Variants in COL25A1 observed in about 807,000 individuals in gnomAD.
COL25A1 encodes the protein collagen type XXV alpha 1 chain.
Under a neutral mutation model 128.4 loss-of-function variants are expected in COL25A1, and 103 were observed. The observed-to-expected ratio is 0.80, with a 90% CI of 0.68 to 0.94. COL25A1 has a LOEUF of 0.94. Among genes scored for constraint, COL25A1 ranks in the 40% least tolerant of loss-of-function variants. COL25A1 has a pLI of 0.00. For synonymous variants in COL25A1, 279 were observed against 277.2 expected (o/e 1.01, Z -0.06); for missense variants, 745 against 840.0 (o/e 0.89, Z 1.40).
chr4:109,081,082 G>A (rs751224784), intron 3 of COL25A1, among the ~76,000 whole-genome samples: 3 of 152,134 alleles, frequency 2.0e-5, no homozygotes, highest in Non-Finnish European at 4.4e-5. Context: ...TTTCATGCAT[G>A]GTCAATATTT....
chr4:108,988,657 T>C (rs558224650), intron 6 of COL25A1, among the ~76,000 whole-genome samples: 1 of 152,322 alleles, frequency 6.6e-6, no homozygotes, highest in Non-Finnish European at 1.5e-5. Flanking sequence ...TTATTCTGTT[T>C]TTACTCCCCC....
chr4:108,918,202 T>G lies in COL25A1; in HGVS notation c.750A>C (p.Ala250=). The change falls in exon 13 of 38, where the codon GCA becomes GCC. Residue 250 remains alanine (A), a synonymous_variant. Transcript: ENST00000399132. ...GCCCATTCATCCCTGGAATTCCAGG[T>G]GCTCCAATAGAACCCTAAAGAGACA... is the stretch of plus-strand genomic sequence containing the variant. ...GPPGQKGSIG[A]PGIPGMNGQK... is the part of the protein sequence containing the mutation. 1 of 1,599,748 alleles carries G rather than the reference T, an allele frequency of 6.3e-7. No individual in the cohort carries two copies. Among genetic ancestry groups the G allele is most frequent in the South Asian group, 1.1e-5 (1 of 88,386 alleles).
At chr4:109,207,980 C>G (rs144906992) in intron 3 of COL25A1, among the ~76,000 whole-genome samples, 10 of 152,220 alleles carry the variant, frequency 6.6e-5, no homozygotes, top group African/African-American at 2.4e-4. Context: ...CTTTCTAAAG[C>G]AGGCTCAATG....
intron 3 of COL25A1, among the ~76,000 whole-genome samples, chr4:109,234,397 A>G (rs568123504): frequency 6.6e-6 from 1 of 152,254 alleles, no homozygotes; most frequent in South Asian, 2.1e-4. Context: ...TAAGCCAACT[A>G]TGGCAATTTC....
intron 3 of COL25A1, among the ~76,000 whole-genome samples, chr4:109,205,922 C>T (rs1047542817): frequency 6.6e-6 from 1 of 152,074 alleles, no homozygotes; most frequent in Non-Finnish European, 1.5e-5. Context: ...TCCATGACCC[C>T]AGTGTTCACG....
At chr4:109,112,168 C>T (rs1337856472) in intron 3 of COL25A1, among the ~76,000 whole-genome samples, 2 of 152,010 alleles carry the variant, frequency 1.3e-5, no homozygotes, top group Admixed American at 1.3e-4. Context: ...GCTATATGTT[C>T]ATTTTCCTAT....
chr4:109,263,715 C>T (rs539161373), intron 3 of COL25A1, among the ~76,000 whole-genome samples: 16 of 152,320 alleles, frequency 1.1e-4, no homozygotes, highest in African/African-American at 3.8e-4. Context: ...TGCTGCCTTG[C>T]TTTCTGTCAC....
chr4:109,264,188 T>G (rs1030789633), intron 3 of COL25A1, among the ~76,000 whole-genome samples: 2 of 152,160 alleles, frequency 1.3e-5, no homozygotes, highest in African/African-American at 4.8e-5. Flanking sequence ...AATAACATCT[T>G]GGGTGAAGGC....
intron 5 of COL25A1, among the ~76,000 whole-genome samples, chr4:109,011,448 GC>G (rs1756580659): frequency 6.6e-6 from 1 of 152,168 alleles, no homozygotes. Flanking sequence ...AGGAAGGGGA[GC>G]CAAACCAAGT....
chr4:109,169,266 A>G lies in COL25A1; in HGVS notation c.368-119087T>C, dbSNP rs188181601. Among the ~76,000 whole-genome samples the G allele has an allele frequency of 3.4e-3, 512 of 151,704 alleles. 1 individual carries two copies. Among genetic ancestry groups the G allele is most frequent in the African/African-American group, 0.012 (491 of 41,344 alleles). Reference sequence around the variant, plus strand: ...CAATTTACTTTGCTTAAAATTCTCTACTCCTCCATTCTCTGCCTGGCAAAC... The same window carrying G: ...CAATTTACTTTGCTTAAAATTCTCTGCTCCTCCATTCTCTGCCTGGCAAAC... On this transcript the variant is annotated intron_variant, in intron 3 of 37. Transcript: ENST00000399132.
chr4:109,060,676 G>C (rs1329215141), intron 3 of COL25A1, among the ~76,000 whole-genome samples: 3 of 144,556 alleles, frequency 2.1e-5, no homozygotes, highest in Non-Finnish European at 4.5e-5. Flanking sequence ...TACCAACTCA[G>C]ACTCAATTTT....
chr4:109,090,787 T>A (rs762215566), intron 3 of COL25A1, among the ~76,000 whole-genome samples: 8 of 152,208 alleles, frequency 5.3e-5, no homozygotes. Context: ...TGATGTGATG[T>A]AACTACTTGG....
intron 5 of COL25A1, among the ~76,000 whole-genome samples, chr4:109,015,550 T>C (rs1757134765): frequency 6.6e-6 from 1 of 151,920 alleles, no homozygotes; most frequent in African/African-American, 2.4e-5. Flanking sequence ...GTCAGGAAAA[T>C]ACATGAGAAA....
intron 5 of COL25A1, among the ~76,000 whole-genome samples, chr4:109,033,271 T>G (rs17039677): frequency 0.014 from 2,154 of 152,316 alleles, 33 homozygotes; most frequent in Middle Eastern, 0.037. Flanking sequence ...AGCACTATCC[T>G]TATTCACAGA....
At chr4:109,085,321 C>T (rs910675484) in intron 3 of COL25A1, among the ~76,000 whole-genome samples, 1 of 152,182 alleles carries the variant, frequency 6.6e-6, no homozygotes. Flanking sequence ...AATGCACGTT[C>T]CCTTCAGATG....
chr4:108,828,352 C>G (rs1380441655), intron 32 of COL25A1, among the ~76,000 whole-genome samples: 1 of 152,032 alleles, frequency 6.6e-6, no homozygotes, highest in African/African-American at 2.4e-5. Context: ...CCGGGCTGGT[C>G]TCGAAGTCCT....
chr4:108,974,764 A>G (rs1312621929), intron 6 of COL25A1, among the ~76,000 whole-genome samples: 1 of 152,216 alleles, frequency 6.6e-6, no homozygotes, highest in Non-Finnish European at 1.5e-5. Context: ...ATACCTGTAC[A>G]TATCATGTCA....
intron 31 of COL25A1, chr4:108,834,208 C>G: frequency 1.3e-6 from 1 of 778,732 alleles, no homozygotes; most frequent in East Asian, 2.8e-5. Flanking sequence ...CCCCTTTTGC[C>G]GCCATCTTTG....
rs374433275 is a variant in COL25A1, at chr4:109,136,999, T to C, written c.368-86820A>G. Among the ~76,000 whole-genome samples the C allele has an allele frequency of 4.6e-5, 7 of 152,328 alleles. 1 individual carries two copies. Among genetic ancestry groups the C allele is most frequent in the African/African-American group, 1.7e-4 (7 of 41,574 alleles). On this transcript the variant is annotated intron_variant, in intron 3 of 37. Coordinates refer to ENST00000399132, the MANE Select transcript of COL25A1 (RefSeq NM_198721.4). ...TCCCTTGAGATGACTGCAGCCCTGG[T>C]TGACACCTTGATTGCAGCTTTGTGA... is the stretch of plus-strand genomic sequence containing the variant.
Sources: gnomAD v4.1 joint callset for allele counts (sites outside exome capture counted in the v4.1 genomes callset) on GRCh38, gnomAD v4.1.1 for gene constraint, MANE v1.5 for transcripts, NCBI Gene and HGNC (gene_info 2026-07-23, HGNC 2026-07-21) for gene names.